Variants in KCNJ6 observed in about 807,000 individuals in gnomAD.
KCNJ6 encodes the protein potassium inwardly rectifying channel subfamily J member 6.
A neutral mutation model predicts 34.2 loss-of-function variants in KCNJ6; 9 were observed. The observed-to-expected ratio is 0.26, with a 90% confidence interval of 0.16 to 0.46. KCNJ6 has a LOEUF of 0.46. Among genes scored for constraint, KCNJ6 ranks in the 20% least tolerant of loss-of-function variants. The probability of loss-of-function intolerance (pLI) is 1.00; values close to 1 mark genes in which losing one functional copy is unlikely to be tolerated. For synonymous variants in KCNJ6, 196 were observed against 207.1 expected (o/e 0.95, Z 0.46); for missense variants, 236 against 531.3 (o/e 0.44, Z 5.46).
intron 3 of KCNJ6, among the ~76,000 whole-genome samples, chr21:37,646,413 G>A (rs1250695229): frequency 6.6e-6 from 1 of 152,046 alleles, no homozygotes; most frequent in Non-Finnish European, 1.5e-5. Flanking sequence ...TTATTATCCC[G>A]GGGTGACATG....
intron 1 of KCNJ6, among the ~76,000 whole-genome samples, chr21:37,842,712 C>T (rs1021398853): frequency 2.8e-5 from 4 of 144,070 alleles, no homozygotes; most frequent in Non-Finnish European, 6.1e-5. Flanking sequence ...CTGAATAAGA[C>T]AGGCAGAGAG....
chr21:37,908,344 G>A (rs1284834110), intron 1 of KCNJ6, among the ~76,000 whole-genome samples: 1 of 152,178 alleles, frequency 6.6e-6, no homozygotes, highest in Non-Finnish European at 1.5e-5. Flanking sequence ...GGGAAGCAGA[G>A]GTTCTCAAAC....
intron 2 of KCNJ6, among the ~76,000 whole-genome samples, chr21:37,800,417 A>G (rs2055263539): frequency 6.6e-6 from 1 of 152,160 alleles, no homozygotes; most frequent in Admixed American, 6.6e-5. Context: ...AACTGAAACA[A>G]AAACTCTGAA....
intron 2 of KCNJ6, among the ~76,000 whole-genome samples, chr21:37,805,234 A>G (rs537383608): frequency 7.9e-5 from 12 of 152,242 alleles, no homozygotes; most frequent in South Asian, 6.2e-4. Context: ...ACTGAATTGT[A>G]TACTTTACAA....
At chr21:37,690,789 T>A (rs1287383488) in intron 3 of KCNJ6, among the ~76,000 whole-genome samples, 1 of 151,382 alleles carries the variant, frequency 6.6e-6, no homozygotes, top group Non-Finnish European at 1.5e-5. Flanking sequence ...TTCTTTTTTT[T>A]TTTTTTTTGA....
intron 1 of KCNJ6, among the ~76,000 whole-genome samples, chr21:37,849,493 G>T (rs1200264117): frequency 6.6e-6 from 1 of 151,998 alleles, no homozygotes; most frequent in East Asian, 1.9e-4. Flanking sequence ...ACTTTTCCAG[G>T]TTGCCCACAA....
At chr21:37,662,582 A>T (rs1227706632) in intron 3 of KCNJ6, among the ~76,000 whole-genome samples, 1 of 152,214 alleles carries the variant, frequency 6.6e-6, no homozygotes, top group Non-Finnish European at 1.5e-5. Context: ...GCATGCATGT[A>T]TCTTTGTAAT....
chr21:37,864,496 G>A lies in KCNJ6; in HGVS notation c.-27-23787C>T, dbSNP rs752893606. On this transcript the variant is annotated intron_variant, in intron 1 of 3. Transcript: ENST00000609713. ...TCTGTATGCCATTGTTTAATACACC[G>A]CAAAAACAAGTCAGGTGAGAGATGA... 4.6e-5 allele frequency among the ~76,000 whole-genome samples: 7 copies of A among 152,198 alleles called. No homozygotes were observed. In the East Asian group the frequency reaches 5.8e-4, roughly 13 times the overall value.
intron 2 of KCNJ6, among the ~76,000 whole-genome samples, chr21:37,744,527 A>G (rs1303941796): frequency 6.6e-6 from 1 of 152,198 alleles, no homozygotes; most frequent in Non-Finnish European, 1.5e-5. Flanking sequence ...AGAAAAGGGC[A>G]ACAAAACTGG....
intron 3 of KCNJ6, among the ~76,000 whole-genome samples, chr21:37,679,316 T>C (rs759715569): frequency 5.9e-5 from 9 of 152,196 alleles, no homozygotes; most frequent in African/African-American, 1.2e-4. Flanking sequence ...CACTAAGTTT[T>C]GGGGTAAATT....
intron 1 of KCNJ6, among the ~76,000 whole-genome samples, chr21:37,863,513 G>A (rs2055605040): frequency 1.3e-5 from 2 of 152,192 alleles, no homozygotes; most frequent in Admixed American, 1.3e-4. Flanking sequence ...TACCTCTGGT[G>A]CCAGACATTT....
At chr21:37,738,538 T>C (rs950201531) in intron 2 of KCNJ6, among the ~76,000 whole-genome samples, 1 of 152,252 alleles carries the variant, frequency 6.6e-6, no homozygotes, top group Non-Finnish European at 1.5e-5. Flanking sequence ...GTCTCGACTT[T>C]GCCTTGCCTG....
chr21:37,888,095 G>A (rs997041151), intron 1 of KCNJ6, among the ~76,000 whole-genome samples: 1 of 152,362 alleles, frequency 6.6e-6, no homozygotes, highest in Admixed American at 6.5e-5. Flanking sequence ...CTCCATGACA[G>A]GCCCATGAAA....
At chr21:37,686,924 G>T (rs1348779519) in intron 3 of KCNJ6, among the ~76,000 whole-genome samples, 1 of 152,108 alleles carries the variant, frequency 6.6e-6, no homozygotes, top group Non-Finnish European at 1.5e-5. Context: ...GGTGGGGTGG[G>T]CTGGGACAAA....
chr21:37,835,540 C>T (rs987260716), intron 2 of KCNJ6, among the ~76,000 whole-genome samples: 1 of 152,208 alleles, frequency 6.6e-6, no homozygotes, highest in Non-Finnish European at 1.5e-5. Context: ...TATGTAAGAA[C>T]AGCCTGCAAA....
At chr21:37,832,300 C>T (rs910916243) in intron 2 of KCNJ6, among the ~76,000 whole-genome samples, 2 of 151,620 alleles carry the variant, frequency 1.3e-5, no homozygotes, top group East Asian at 3.9e-4. Flanking sequence ...AAAGCACCAT[C>T]TAGTGGGCCT....
chr21:37,873,468 A>T (rs2055662468), intron 1 of KCNJ6, among the ~76,000 whole-genome samples: 1 of 152,196 alleles, frequency 6.6e-6, no homozygotes, highest in South Asian at 2.1e-4. Context: ...TAGTGCAGTC[A>T]GTGTACCTAA....
intron 1 of KCNJ6, among the ~76,000 whole-genome samples, chr21:37,846,332 C>T (rs1241141383): frequency 6.7e-6 from 1 of 149,686 alleles, no homozygotes; most frequent in African/African-American, 2.5e-5. Context: ...GACTTTAGCT[C>T]AGAGCTAAGG....
intron 2 of KCNJ6, among the ~76,000 whole-genome samples, chr21:37,814,240 C>T (rs1389618488): frequency 6.6e-6 from 1 of 151,988 alleles, no homozygotes; most frequent in Non-Finnish European, 1.5e-5. Flanking sequence ...AGCTTATATC[C>T]AAAAGACAGG....
Sources: allele counts gnomAD v4.1 joint callset (sites outside exome capture counted in the v4.1 genomes callset), GRCh38; gene constraint gnomAD v4.1.1; transcripts MANE v1.5; gene names NCBI Gene and HGNC (gene_info 2026-07-23, HGNC 2026-07-21).